PLXNB1: variants seen among roughly 807,000 people sequenced by gnomAD.
PLXNB1 encodes the protein plexin-B1.
A neutral mutation model predicts 209.4 loss-of-function variants in PLXNB1; 106 were observed. That is an observed-to-expected ratio of 0.51 (90% CI 0.43 to 0.59). The LOEUF (loss-of-function observed/expected upper bound fraction) is 0.59. Among genes scored for constraint, PLXNB1 ranks in the 20% least tolerant of loss-of-function variants. The pLI, the probability that PLXNB1 is intolerant of heterozygous loss-of-function variation, is 0.00. For missense variants in PLXNB1, 2,357 were observed against 2,853.2 expected (o/e 0.83, Z 3.96); for synonymous variants, 1,167 against 1,183.2 (o/e 0.99, Z 0.28).
At chr3:48,407,764 C>G (rs978877653) in intron 34 of PLXNB1, among the ~76,000 whole-genome samples, 2 of 152,174 alleles carry the variant, frequency 1.3e-5, no homozygotes, top group African/African-American at 4.8e-5. Context: ...ATGGGGGAAC[C>G]CTTGGCATTC....
In PLXNB1 at chr3:48,420,709, G is replaced by A; in HGVS notation, c.1984C>T (p.His662Tyr). The A allele has an allele frequency of 6.2e-7, 1 of 1,614,030 alleles. No individual in the cohort carries two copies. The highest frequency in any genetic ancestry group is 8.5e-7 in the Non-Finnish European group (1 of 1,179,992). ...NWCVWQHLCT[H>Y]KASCDAGPMV... The stretch of plus-strand genomic sequence containing the variant: ...GGCCCAGCATCACACGAGGCCTTGT[G>A]GGTGCACAGGTGCTGCCAGACACAC... The change falls in exon 10 of 38, where the codon CAC becomes TAC. Residue 662 changes from histidine (H) to tyrosine (Y), a missense_variant. Coordinates refer to ENST00000296440, the MANE Select transcript of PLXNB1 (RefSeq NM_001130082.3).
Position 48,422,148 on chromosome 3 carries a change from C to T in PLXNB1, c.1477G>A (p.Ala493Thr). 6.2e-7 allele frequency: 1 copy of T among 1,614,144 alleles called. No homozygotes were observed. The highest frequency in any genetic ancestry group is 8.5e-7 in the Non-Finnish European group (1 of 1,180,016). ...AQHLDCASCL[A>T]HRDPYCGWCV... ...CACCCACAGTATGGGTCCCTGTGAG[C>T]AAGGCAAGATGCACAGTCCAGGTGC... is the stretch of plus-strand genomic sequence containing the variant. The change falls in exon 6 of 38, where the codon GCT becomes ACT. Residue 493 changes from alanine (A) to threonine (T), a missense_variant. By Grantham distance (58) the Ala-to-Thr change is moderately conservative (BLOSUM62 0). Around this residue, in one of 7 missense-constraint regions of PLXNB1, gnomAD observed 214 missense variants for 297.1 expected, o/e 0.72. Coordinates refer to ENST00000296440, the MANE Select transcript of PLXNB1 (RefSeq NM_001130082.3).
In PLXNB1 at chr3:48,418,977, G is replaced by C. The variant is rs774022710; in HGVS notation, c.2895C>G (p.Ala965=). 4.3e-6 allele frequency: 7 copies of C among 1,613,890 alleles called. No homozygotes were observed. The African/African-American group carries it at 9.3e-5, about 22-fold the overall frequency. The change falls in exon 13 of 38, where the codon GCC becomes GCG. Residue 965 remains alanine, a synonymous_variant. Coordinates refer to ENST00000296440, the MANE Select transcript of PLXNB1 (RefSeq NM_001130082.3). This position sits in a 1 kb window ranked among gnomAD's most constrained non-coding sequence, Gnocchi z 6.6. ...ELEGLEVVVE[A]RVECEPPPDT... ...CTGGAGGTGGCTCACACTCGACCCG[G>C]GCCTCAACCACCACCTCGAGGCCCT...
In PLXNB1 at chr3:48,410,131, C is replaced by T; in HGVS notation, c.5606-54G>A. On this transcript the variant is annotated intron_variant, in intron 31 of 37. Transcript: ENST00000296440. The surrounding 1 kb of genome is among the most constrained non-coding windows in gnomAD (Gnocchi z 6.4). ...CTCCCCAGGTGCCACCTCCCCAGGC[C>T]CCCTGTTTCTTGCCAGCTCTCCCAG... 3 of 1,525,234 alleles carry T rather than the reference C, an allele frequency of 2.0e-6. No individual in the cohort carries two copies. Among genetic ancestry groups the T allele is most frequent in the Non-Finnish European group, 1.8e-6 (2 of 1,131,452 alleles). The allele number at this position is 1,525,234 out of a possible 1,614,324, so 94.5% of individuals were successfully genotyped here.
chr3:48,409,229 A>T lies in PLXNB1; in HGVS notation c.6087+100T>A, dbSNP rs549031452. 11 of 1,418,354 alleles carry T rather than the reference A, an allele frequency of 7.8e-6. No homozygotes were observed. The South Asian group carries it at 9.3e-5, about 12-fold the overall frequency. 87.9% of individuals were successfully genotyped at this position (1,418,354 alleles called of 1,614,324 possible). ...GCTTGGGAGGTCAGAGGTCTCCCCT[A>T]AGCCCTCCTTGAAGTTCTCAGAAAA... On this transcript the variant is annotated intron_variant, in intron 34 of 37. Coordinates refer to ENST00000296440, the MANE Select transcript of PLXNB1 (RefSeq NM_001130082.3). This position sits in a 1 kb window ranked among gnomAD's most constrained non-coding sequence, Gnocchi z 5.8.
Position 48,409,588 on chromosome 3 carries a change from G to A in PLXNB1, c.5922C>T (p.His1974=). The A allele has an allele frequency of 6.2e-7, 1 of 1,614,004 alleles. No individual in the cohort carries two copies. Among genetic ancestry groups the A allele is most frequent in the Non-Finnish European group, 8.5e-7 (1 of 1,179,970 alleles). The change falls in exon 33 of 38, where the codon CAC becomes CAT. Residue 1974 remains histidine, a synonymous_variant. Transcript: ENST00000296440. The surrounding 1 kb of genome is among the most constrained non-coding windows in gnomAD (Gnocchi z 5.8). The part of the protein sequence containing the change: ...QHGISDQDTI[H]IWKTNSLPLR... ...CACCCCACCTGTTGGTCTTCCAGAT[G>A]TGGATGGTGTCCTGGTCGGAGATGC...
At position 48,412,916 on chromosome 3, in the gene PLXNB1, G is replaced by A; in HGVS notation, c.4680C>T (p.Gly1560=). 1.2e-6 allele frequency: 2 copies of A among 1,614,142 alleles called. No homozygotes were observed. The highest frequency in any genetic ancestry group is 8.5e-7 in the Non-Finnish European group (1 of 1,180,046). ...TGTAGTCGAGGAAGGGGATGCCGCT[G>A]CCCAGGAGGTCACTGGTGAGATCGG... is the stretch of plus-strand genomic sequence containing the variant. ...EMTDLTSDLL[G]SGIPFLDYKV... is the part of the protein sequence containing the mutation. The change falls in exon 25 of 38, where the codon GGC becomes GGT. Residue 1560 remains glycine, a synonymous_variant. Coordinates refer to ENST00000296440, the MANE Select transcript of PLXNB1 (RefSeq NM_001130082.3).
Position 48,421,250 on chromosome 3 carries a change from G to A in PLXNB1, c.1788C>T (p.Ala596=), listed in dbSNP as rs970404776. 3 of 1,613,104 alleles carry A rather than the reference G, an allele frequency of 1.9e-6. No individual in the cohort carries two copies. In the African/African-American group the frequency reaches 4.0e-5, roughly 22 times the overall value. Residue 596 remains alanine (A), a synonymous_variant, in exon 8 of 38, where the codon GCC becomes GCT. Coordinates refer to ENST00000296440, the MANE Select transcript of PLXNB1 (RefSeq NM_001130082.3). ...CACCGGCTCCTCTCGGCAGCACTGGGGCCTCACTAGGGTCTGGGGAGGGGC... is the reference window on the plus strand; with the variant it reads ...CACCGGCTCCTCTCGGCAGCACTGGAGCCTCACTAGGGTCTGGGGAGGGGC... ...VMCPSPDPSE[A]PVLPRGADYV...
Position 48,420,864 on chromosome 3 carries a change from G to A in PLXNB1, c.1903C>T (p.Leu635Phe), listed in dbSNP as rs1028818224. ...GGAACTCACTGCGCAGATGGGCGGA[G>A]TTCAGTGACCGCCACACAGTCATAG... ...SFYDCVAVTELRPSAQCQACV... is the reference protein window; with the variant it reads ...SFYDCVAVTEFRPSAQCQACV... The change falls in exon 9 of 38, where the codon CTC becomes TTC. Residue 635 changes from leucine to phenylalanine, a missense_variant. Transcript: ENST00000296440. 3.1e-6 allele frequency: 5 copies of A among 1,613,762 alleles called. No homozygotes were observed. The highest frequency in any genetic ancestry group is 2.7e-5 in the African/African-American group (2 of 74,940).
rs960835552 is a variant in PLXNB1, at chr3:48,424,076, C to T, written c.536G>A (p.Gly179Asp). The T allele has an allele frequency of 2.6e-6, 4 of 1,568,152 alleles. No individual in the cohort carries two copies. Among genetic ancestry groups the T allele is most frequent in the Non-Finnish European group, 3.5e-6 (4 of 1,155,942 alleles). The change falls in exon 3 of 38, where the codon GGT (glycine) becomes GAT (aspartate). Residue 179 changes from glycine (G) to aspartate (D), a missense_variant. Gly to Asp is a moderately conservative substitution (Grantham distance 94). Coordinates refer to ENST00000296440, the MANE Select transcript of PLXNB1 (RefSeq NM_001130082.3). ...CCGGGTTGTGATGGGTGGAATGCCACCCCCCACACCCCTGCTGGTGTATCC... is the reference window on the plus strand; with the variant it reads ...CCGGGTTGTGATGGGTGGAATGCCATCCCCCACACCCCTGCTGGTGTATCC... ...GRGYTSRGVG[G>D]GIPPITTRAL...
At position 48,415,138 on chromosome 3, in the gene PLXNB1, G is replaced by A. The variant is rs1423707878; in HGVS notation, c.3966+38C>T. 4.4e-6 allele frequency: 7 copies of A among 1,607,502 alleles called. No homozygotes were observed. Among genetic ancestry groups the A allele is most frequent in the Middle Eastern group, 1.6e-4 (1 of 6,066 alleles). On this transcript the variant is annotated intron_variant, in intron 20 of 37. Coordinates refer to ENST00000296440, the MANE Select transcript of PLXNB1 (RefSeq NM_001130082.3). The surrounding 1 kb of genome is among the most constrained non-coding windows in gnomAD (Gnocchi z 5.0). ...GGCTGTCCCCAGGGTGTGGTATGGG[G>A]CAAGGGGAGAGTGTGGGGGTACCCA...
chr3:48,423,079 G>T, intron 3 of PLXNB1, 132 bp from the exon 4 acceptor site: 1 of 756,470 alleles, frequency 1.3e-6, no homozygotes, highest in Non-Finnish European at 2.2e-6. Context: ...TTCTCTGCTG[G>T]CCCTCCTGGG....
chr3:48,422,044 A>G, intron 6 of PLXNB1, 61 bp downstream of exon 6: 1 of 1,468,520 alleles, frequency 6.8e-7, no homozygotes, highest in Non-Finnish European at 9.5e-7. Flanking sequence ...TCTGGACAGG[A>G]CAATTATGCA....
chr3:48,429,285 G>A lies in PLXNB1; in HGVS notation c.-60+723C>T, dbSNP rs1361542199. On this transcript the variant is annotated intron_variant, in intron 1 of 37. Transcript: ENST00000296440. The surrounding 1 kb of genome is among the most constrained non-coding windows in gnomAD (Gnocchi z 6.4). ...CCGGGCCCCGCGGGATGTGCGCGCCGAGGCGGGCGTCGGCCGCTCCGGGCT... is the reference window on the plus strand; with the variant it reads ...CCGGGCCCCGCGGGATGTGCGCGCCAAGGCGGGCGTCGGCCGCTCCGGGCT... The A allele has an allele frequency of 6.6e-6, 1 of 151,508 alleles. No individual in the cohort carries two copies. The highest frequency in any genetic ancestry group is 1.5e-5 in the Non-Finnish European group (1 of 67,836). 9.4% of individuals were successfully genotyped at this position (151,508 alleles called of 1,614,324 possible).
chr3:48,413,327 G>A lies in PLXNB1; in HGVS notation c.4536-158C>T, dbSNP rs530172187. ...AGCCCAGTACGATTCAGCCTGTCCC[G>A]TCCCAAGCAAGTCACACACACCCAT... is the stretch of plus-strand genomic sequence containing the variant. On this transcript the variant is annotated intron_variant, in intron 23 of 37. Transcript: ENST00000296440. This position sits in a 1 kb window ranked among gnomAD's most constrained non-coding sequence, Gnocchi z 5.4. The A allele has an allele frequency of 2.0e-5, 13 of 653,038 alleles. No homozygotes were observed. The highest frequency in any genetic ancestry group is 3.6e-5 in the African/African-American group (2 of 55,696). 40.5% of individuals were successfully genotyped at this position (653,038 alleles called of 1,614,324 possible).
chr3:48,416,268 G>A lies in PLXNB1; in HGVS notation c.3480+78C>T, dbSNP rs999728055. 3.2e-6 allele frequency: 5 copies of A among 1,554,478 alleles called. No individual in the cohort carries two copies. The African/African-American group carries it at 6.8e-5, about 21-fold the overall frequency. ...GCCCAGGACTGGGAGCCCCACCAAG[G>A]AATAACCAGATGGGTTGAGAGGAGC... On this transcript the variant is annotated intron_variant, in intron 17 of 37. Coordinates refer to ENST00000296440, the MANE Select transcript of PLXNB1 (RefSeq NM_001130082.3). The surrounding 1 kb of genome is among the most constrained non-coding windows in gnomAD (Gnocchi z 4.1).
Position 48,413,462 on chromosome 3 carries a change from A to G in PLXNB1, c.4535+208T>C, listed in dbSNP as rs1427314126. 3 of 606,090 alleles carry G rather than the reference A, an allele frequency of 4.9e-6. No individual in the cohort carries two copies. Among genetic ancestry groups the G allele is most frequent in the East Asian group, 2.8e-5 (1 of 35,940 alleles). The allele number at this position is 606,090 out of a possible 1,614,324, so 37.5% of individuals were successfully genotyped here. On this transcript the variant is annotated intron_variant, in intron 23 of 37. Transcript: ENST00000296440. This position sits in a 1 kb window ranked among gnomAD's most constrained non-coding sequence, Gnocchi z 5.4. ...GATTTGTTAGAACACAGCCACTTTC[A>G]TGTGTTTCCATGTCGTCCCTGGCTG...
At position 48,410,970 on chromosome 3, in the gene PLXNB1, G is replaced by C. The variant is rs779717675; in HGVS notation, c.5314C>G (p.Leu1772Val). ...GEAQGVPVKV[L>V]DCDTISQAKE... The stretch of plus-strand genomic sequence containing the variant: ...GCCTGGGAGATGGTGTCACAGTCTA[G>C]GACCTTCACGGGCACGCCCTGGGCC... The change falls in exon 29 of 38, where the codon CTA becomes GTA. Residue 1772 changes from leucine to valine, a missense_variant. Around this residue, in one of 7 missense-constraint regions of PLXNB1, gnomAD observed 414 missense variants for 520.5 expected, o/e 0.80. Transcript: ENST00000296440. This position sits in a 1 kb window ranked among gnomAD's most constrained non-coding sequence, Gnocchi z 6.4. 1 of 1,613,880 alleles carries C rather than the reference G, an allele frequency of 6.2e-7. No individual in the cohort carries two copies. Among genetic ancestry groups the C allele is most frequent in the South Asian group, 1.1e-5 (1 of 91,064 alleles).
rs2038142621 is a variant in PLXNB1 at position 48,416,985 on chromosome 3, A to G, written c.3375-534T>C. 6.6e-6 allele frequency among the ~76,000 whole-genome samples: 1 copy of G among 152,246 alleles called. No homozygotes were observed. Reference sequence around the variant, plus strand: ...GGCAAATTAAACTTCCAGAGTGTTAAGCCTGCAGTGGCTCAACTCAGTGAC... The same window carrying G: ...GGCAAATTAAACTTCCAGAGTGTTAGGCCTGCAGTGGCTCAACTCAGTGAC... On this transcript the variant is annotated intron_variant, in intron 16 of 37. Coordinates refer to ENST00000296440, the MANE Select transcript of PLXNB1 (RefSeq NM_001130082.3). This position sits in a 1 kb window ranked among gnomAD's most constrained non-coding sequence, Gnocchi z 4.1.
Sources: allele counts gnomAD v4.1 joint callset (sites outside exome capture counted in the v4.1 genomes callset), GRCh38; gene constraint gnomAD v4.1.1; regional missense constraint gnomAD v4.1.1; non-coding constraint Gnocchi (gnomAD v3.1); transcripts MANE v1.5; gene names NCBI Gene and HGNC (gene_info 2026-07-23, HGNC 2026-07-21).